Variants in BLTP1 observed in about 807,000 individuals in gnomAD.
The protein encoded by BLTP1 is fragile site-associated protein.
chr4:122,282,022 A>C, the BLTP1 span: 1 of 981,090 alleles, frequency 1.0e-6, no homozygotes, highest in Non-Finnish European at 1.2e-6. Flanking sequence ...CCATTTCTCC[A>C]ATTTAAACTT....
At chr4:122,274,833 C>T in the BLTP1 span, 1 of 155,732 alleles carries the variant, frequency 6.4e-6, no homozygotes, top group African/African-American at 2.4e-5. Context: ...AGTATTAGTC[C>T]TAGATTGACT....
chr4:122,308,201 C>G, the BLTP1 span: 1 of 1,597,532 alleles, frequency 6.3e-7, no homozygotes, highest in South Asian at 1.1e-5. Context: ...AAGAGCCAGG[C>G]ATTTCTACAT....
the BLTP1 span, among the ~76,000 whole-genome samples, chr4:122,218,504 A>T: frequency 6.6e-6 from 1 of 152,202 alleles, no homozygotes; most frequent in African/African-American, 2.4e-5. Flanking sequence ...CTATGAAAAG[A>T]TATTATGTAC....
the BLTP1 span, chr4:122,214,428 T>G: frequency 1.0e-5 from 10 of 970,556 alleles, no homozygotes; most frequent in Non-Finnish European, 1.2e-5. Context: ...TTGGAATTTA[T>G]TTTAAAGATA....
At chr4:122,344,894 C>T in the BLTP1 span, 12 of 984,734 alleles carry the variant, frequency 1.2e-5, no homozygotes, top group South Asian at 9.4e-5. Context: ...AACACTAAAA[C>T]GGGATGAGTG....
the BLTP1 span, chr4:122,291,706 A>G: frequency 1.0e-6 from 1 of 975,728 alleles, no homozygotes; most frequent in Non-Finnish European, 1.2e-6. Flanking sequence ...AGAAGCATAT[A>G]AGGAGGTTAC....
At chr4:122,183,921 A>C in the BLTP1 span, among the ~76,000 whole-genome samples, 1 of 152,136 alleles carries the variant, frequency 6.6e-6, no homozygotes. Flanking sequence ...ACAAAGAGGT[A>C]CATTTTTTTT....
chr4:122,316,938 T>C, the BLTP1 span: 1 of 1,038,412 alleles, frequency 9.6e-7, no homozygotes, highest in South Asian at 1.7e-5. Context: ...TGGAAGAAAC[T>C]GTATTTGGTC....
chr4:122,192,468 A>G, the BLTP1 span: 38 of 893,528 alleles, frequency 4.3e-5, no homozygotes, highest in Middle Eastern at 6.3e-4. Context: ...AAATTTTTAT[A>G]AACTATTTTA....
the BLTP1 span, chr4:122,347,789 C>T: frequency 1.2e-6 from 2 of 1,602,712 alleles, no homozygotes; most frequent in South Asian, 2.2e-5. Flanking sequence ...GGTAACACTG[C>T]TCTTTTTGTT....
the BLTP1 span, chr4:122,356,769 T>C: frequency 1.2e-6 from 2 of 1,602,984 alleles, no homozygotes; most frequent in Non-Finnish European, 1.7e-6. Flanking sequence ...GGTGGAATAC[T>C]CTTTTTCTTT....
At chr4:122,217,832 A>G in the BLTP1 span, among the ~76,000 whole-genome samples, 6 of 152,122 alleles carry the variant, frequency 3.9e-5, no homozygotes, top group South Asian at 2.1e-4. Context: ...CTGTGAATCC[A>G]TCTGGTCCTG....
At chr4:122,264,297 A>G in the BLTP1 span, 1 of 1,609,622 alleles carries the variant, frequency 6.2e-7, no homozygotes, top group Non-Finnish European at 8.5e-7. Context: ...TCAGATTTCA[A>G]CACTGTCTTG....
At chr4:122,285,120 A>C in the BLTP1 span, among the ~76,000 whole-genome samples, 2 of 152,150 alleles carry the variant, frequency 1.3e-5, no homozygotes, top group Non-Finnish European at 2.9e-5. Flanking sequence ...TATTCAGGGC[A>C]CCCATGAAAT....
chr4:122,320,662 C>T, the BLTP1 span, among the ~76,000 whole-genome samples: 2 of 152,164 alleles, frequency 1.3e-5, no homozygotes, highest in South Asian at 2.1e-4. Flanking sequence ...TACTTTTAAT[C>T]TATGTGTCTT....
At chr4:122,281,963 G>A in the BLTP1 span, 1 of 984,552 alleles carries the variant, frequency 1.0e-6, no homozygotes, top group Non-Finnish European at 1.2e-6. Context: ...AACCTTGAAT[G>A]ACCAGAATGA....
At chr4:122,294,614 C>G in the BLTP1 span, among the ~76,000 whole-genome samples, 1 of 152,060 alleles carries the variant, frequency 6.6e-6, no homozygotes, top group Non-Finnish European at 1.5e-5. Context: ...CAGAGGTCAG[C>G]AAACTCAAAG....
chr4:122,248,051 A>G, the BLTP1 span: 3 of 985,132 alleles, frequency 3.0e-6, no homozygotes, highest in Non-Finnish European at 3.6e-6. Flanking sequence ...ACTGTATTTT[A>G]TAGGTTCTGA....
At chr4:122,298,321 C>G in the BLTP1 span, 1 of 503,540 alleles carries the variant, frequency 2.0e-6, no homozygotes, top group Non-Finnish European at 2.6e-6. Flanking sequence ...CCTATAGAGC[C>G]AAGAGAAACT....
Sources: allele counts gnomAD v4.1 joint callset (sites outside exome capture counted in the v4.1 genomes callset), GRCh38; gene constraint gnomAD v4.1.1; transcripts MANE v1.5; gene names NCBI Gene and HGNC (gene_info 2026-07-23, HGNC 2026-07-21).